Variants in NPTXR observed in about 807,000 individuals in gnomAD.
The protein encoded by NPTXR is neuronal pentraxin receptor.
NPTXR carries 12 observed loss-of-function variants against 32.2 expected under a neutral mutation model. The ratio of observed to expected loss-of-function variants is 0.37; its 90% CI spans 0.24 to 0.60. The LOEUF is 0.60. Among genes scored for constraint, NPTXR ranks in the 20% least tolerant of loss-of-function variants. The pLI is 0.66. For synonymous variants in NPTXR, 323 were observed against 315.8 expected, an observed-to-expected ratio of 1.02 and a Z score of -0.24; for missense variants, 612 against 682.9, an observed-to-expected ratio of 0.90 and a Z score of 1.16.
In NPTXR at chr22:38,843,544, C is replaced by T; in HGVS notation, c.315G>A (p.Ser105=). ...CCGCCGCGTCCCCCTGCTGGGCCCC[C>T]GACGGGCAGGCAGCAGCCAGCGGCG... Residue 105 remains serine, a synonymous_variant, in exon 1 of 5, where the codon TCG becomes TCA. Transcript: ENST00000333039. This position sits in a 1 kb window ranked among gnomAD's most constrained non-coding sequence, Gnocchi z 5.3. 8.0e-7 allele frequency: 1 copy of T among 1,246,406 alleles called. No individual in the cohort carries two copies. Among genetic ancestry groups the T allele is most frequent in the Non-Finnish European group, 1.0e-6 (1 of 996,692 alleles). 77.2% of individuals were successfully genotyped at this position (1,246,406 alleles called of 1,614,324 possible). A position where few individuals can be genotyped will look rare whatever the true frequency, so the allele number is the denominator to read the frequency against.
chr22:38,841,612 A>C (rs1294386707), intron 1 of NPTXR, among the ~76,000 whole-genome samples: 1 of 152,254 alleles, frequency 6.6e-6, no homozygotes, highest in African/African-American at 2.4e-5. Context: ...GTTTGTTCCT[A>C]TTTTGAGTTT....
intron 1 of NPTXR, among the ~76,000 whole-genome samples, chr22:38,841,736 T>C (rs1973185016): frequency 1.3e-5 from 2 of 152,242 alleles, no homozygotes; most frequent in Admixed American, 1.3e-4. Flanking sequence ...TCATATAAAG[T>C]ACTTAATCCT....
intron 1 of NPTXR, among the ~76,000 whole-genome samples, chr22:38,841,259 C>T (rs2093131205): frequency 6.6e-6 from 1 of 152,244 alleles, no homozygotes; most frequent in South Asian, 2.1e-4. Flanking sequence ...AAGCAGGGCC[C>T]CGCCCTTCTC....
At chr22:38,824,476 G>A (rs2093103191) in intron 3 of NPTXR, among the ~76,000 whole-genome samples, 1 of 152,172 alleles carries the variant, frequency 6.6e-6, no homozygotes, top group African/African-American at 2.4e-5. Flanking sequence ...AGGCTGCGAG[G>A]CCCAGAGGTA....
chr22:38,826,979 G>A (rs1603245130), intron 2 of NPTXR, among the ~76,000 whole-genome samples: 1 of 152,158 alleles, frequency 6.6e-6, no homozygotes, highest in Admixed American at 6.5e-5. Context: ...TCCCAGCCAC[G>A]TGACCGTCAA....
At position 38,822,770 on chromosome 22, in the gene NPTXR, G is replaced by A; in HGVS notation, c.1342C>T (p.Leu448=). The change falls in exon 5 of 5, where the codon CTG becomes TTG. Residue 448 remains leucine, a synonymous_variant. Coordinates refer to ENST00000333039, the MANE Select transcript of NPTXR (RefSeq NM_014293.4). ...GCTGGTGTCAGGGCGTGGTCCCACA[G>A]GTTAAACTGGGCAATGTCACCGACA... The A allele has an allele frequency of 6.2e-7, 1 of 1,614,188 alleles. No individual in the cohort carries two copies. Among genetic ancestry groups the A allele is most frequent in the Non-Finnish European group, 8.5e-7 (1 of 1,180,012 alleles).
chr22:38,823,235 C>T lies in NPTXR; in HGVS notation c.1126G>A (p.Asp376Asn), dbSNP rs755066146. The change falls in exon 4 of 5, where the codon GAC (aspartate) becomes AAC (asparagine). Residue 376 changes from aspartate (D) to asparagine (N), a missense_variant. Asp to Asn is a conservative substitution (Grantham distance 23). Coordinates refer to ENST00000333039, the MANE Select transcript of NPTXR (RefSeq NM_014293.4). ...ATGCAGATGTGGTGCCAGCCATTGT[C>T]CTTCAGGCTCAGGGGCAGCTGGGCC... is the stretch of plus-strand genomic sequence containing the variant. 1 of 1,613,130 alleles carries T rather than the reference C, an allele frequency of 6.2e-7. No individual in the cohort carries two copies. Among genetic ancestry groups the T allele is most frequent in the South Asian group, 1.1e-5 (1 of 91,084 alleles).
intron 1 of NPTXR, among the ~76,000 whole-genome samples, chr22:38,836,280 G>C (rs1330734671): frequency 6.6e-6 from 1 of 152,196 alleles, no homozygotes; most frequent in East Asian, 1.9e-4. Flanking sequence ...AGGGAGAAAT[G>C]AGGGCTGACA....
intron 1 of NPTXR, among the ~76,000 whole-genome samples, chr22:38,841,917 C>T (rs558322334): frequency 1.3e-5 from 2 of 152,316 alleles, no homozygotes; most frequent in African/African-American, 2.4e-5. Context: ...TGGGTATGGG[C>T]CCGGCTTTTC....
chr22:38,843,347 C>T lies in NPTXR; in HGVS notation c.512G>A (p.Gly171Asp). The change falls in exon 1 of 5, where the codon GGC (glycine) becomes GAC (aspartate). Residue 171 changes from glycine (G) to aspartate (D), a missense_variant. By Grantham distance (94) the Gly-to-Asp change is moderately conservative (BLOSUM62 -1). Transcript: ENST00000333039. This position sits in a 1 kb window ranked among gnomAD's most constrained non-coding sequence, Gnocchi z 5.3. ...CATGGTGTCGCGGCGGGGCCCGGCG[C>T]CCTGGAGGCCGCGCGGCAGGCCGCT... 2 of 1,412,034 alleles carry T rather than the reference C, an allele frequency of 1.4e-6. No homozygotes were observed. The highest frequency in any genetic ancestry group is 1.5e-5 in the South Asian group (1 of 68,182). 87.5% of individuals were successfully genotyped at this position (1,412,034 alleles called of 1,614,324 possible).
intron 1 of NPTXR, among the ~76,000 whole-genome samples, chr22:38,836,335 T>G (rs539489655): frequency 6.6e-6 from 1 of 152,324 alleles, no homozygotes; most frequent in Admixed American, 6.5e-5. Context: ...GCCTTATTTG[T>G]AAATCAGAAA....
intron 1 of NPTXR, among the ~76,000 whole-genome samples, chr22:38,839,981 G>T (rs1308995452): frequency 6.6e-6 from 1 of 152,200 alleles, no homozygotes; most frequent in East Asian, 1.9e-4. Flanking sequence ...AGAAAATGAC[G>T]CAATTGAATG....
At chr22:38,838,515 C>A (rs1041835580) in intron 1 of NPTXR, among the ~76,000 whole-genome samples, 2 of 151,110 alleles carry the variant, frequency 1.3e-5, no homozygotes, top group African/African-American at 4.9e-5. Context: ...TCACTCTGGG[C>A]TCCGAGGCAG....
chr22:38,836,095 G>A (rs982765667), intron 1 of NPTXR, among the ~76,000 whole-genome samples: 5 of 152,058 alleles, frequency 3.3e-5, no homozygotes, highest in African/African-American at 4.8e-5. Context: ...ACCACAGTGA[G>A]TGCACTACAC....
rs1253976113 is a variant in NPTXR, at chr22:38,834,401, C to T, written c.625-5889G>A. The stretch of plus-strand genomic sequence containing the variant: ...CTCAACTGCCCCAAACTCCTTCTCA[C>T]CCTAAGGCCTCCACACATGCTGTTC... On this transcript the variant is annotated intron_variant, in intron 1 of 4. Transcript: ENST00000333039. This position sits in a 1 kb window ranked among gnomAD's most constrained non-coding sequence, Gnocchi z 4.4. Among the ~76,000 whole-genome samples, 1 of 152,224 alleles carries T rather than the reference C, an allele frequency of 6.6e-6. No homozygotes were observed. The highest frequency in any genetic ancestry group is 2.4e-5 in the African/African-American group (1 of 41,444).
At chr22:38,823,985 T>C (rs2093102378) in intron 3 of NPTXR, among the ~76,000 whole-genome samples, 1 of 147,656 alleles carries the variant, frequency 6.8e-6, no homozygotes, top group Non-Finnish European at 1.5e-5. Context: ...TGAGGTCACA[T>C]TTTTTTTTTT....
chr22:38,829,052 T>C (rs191018623), intron 1 of NPTXR, among the ~76,000 whole-genome samples: 15 of 152,250 alleles, frequency 9.9e-5, no homozygotes, highest in African/African-American at 3.6e-4. Context: ...GGGTGACAGG[T>C]GGTTGAAATC....
intron 1 of NPTXR, among the ~76,000 whole-genome samples, chr22:38,839,763 A>T (rs997232669): frequency 6.6e-6 from 1 of 152,222 alleles, no homozygotes; most frequent in African/African-American, 2.4e-5. Context: ...AGCTCTCTGT[A>T]TGAAATGGAT....
Position 38,843,586 on chromosome 22 carries a change from G to A in NPTXR, c.273C>T (p.Phe91=). ...CCAGCGGCGTGCACAGGAAGCGGCTGAACAGGGGCCCGGGCGGCAGCGGGT... is the reference window on the plus strand; with the variant it reads ...CCAGCGGCGTGCACAGGAAGCGGCTAAACAGGGGCCCGGGCGGCAGCGGGT... Residue 91 remains phenylalanine, a synonymous_variant, in exon 1 of 5, where the codon TTC becomes TTT. Coordinates refer to ENST00000333039, the MANE Select transcript of NPTXR (RefSeq NM_014293.4). The surrounding 1 kb of genome is among the most constrained non-coding windows in gnomAD (Gnocchi z 5.3). 4 of 1,203,166 alleles carry A rather than the reference G, an allele frequency of 3.3e-6. No homozygotes were observed. In the African/African-American group the frequency reaches 4.8e-5, roughly 14 times the overall value. 74.5% of individuals were successfully genotyped at this position (1,203,166 alleles called of 1,614,324 possible).
Sources: gnomAD v4.1 joint callset for allele counts (sites outside exome capture counted in the v4.1 genomes callset) on GRCh38, gnomAD v4.1.1 for gene constraint, Gnocchi (gnomAD v3.1) non-coding constraint, MANE v1.5 for transcripts, NCBI Gene and HGNC (gene_info 2026-07-23, HGNC 2026-07-21) for gene names.